Variants in CSMD3 observed in about 807,000 individuals in gnomAD.
CSMD3 encodes CUB and sushi domain-containing protein 3.
Under a neutral mutation model 435.2 loss-of-function variants are expected in CSMD3, and 177 were observed. The ratio of observed to expected loss-of-function variants is 0.41; its 90% CI spans 0.36 to 0.46. The LOEUF (loss-of-function observed/expected upper bound fraction) is 0.46, where lower values mean the gene tolerates loss of function less well. Ranked by LOEUF, CSMD3 falls within the 20% of genes least tolerant of loss-of-function variation. CSMD3 has a pLI of 0.34. For missense variants in CSMD3, 4,265 were observed against 4,504.6 expected (o/e 0.95, Z 1.52); for synonymous variants, 1,656 against 1,520.5 (o/e 1.09, Z -2.07).
intron 47 of CSMD3, among the ~76,000 whole-genome samples, chr8:112,316,355 A>G (rs2130847617): frequency 6.6e-6 from 1 of 151,862 alleles, no homozygotes; most frequent in East Asian, 1.9e-4. Flanking sequence ...TCTGACATTG[A>G]TTTTCAAAAA....
At chr8:112,470,281 T>C (rs535567389) in intron 32 of CSMD3, among the ~76,000 whole-genome samples, 1 of 152,312 alleles carries the variant, frequency 6.6e-6, no homozygotes, top group South Asian at 2.1e-4. Flanking sequence ...CAATAATGCA[T>C]GTCATTTAAT....
chr8:112,351,631 AT>A (rs1165328361), intron 39 of CSMD3, among the ~76,000 whole-genome samples: 1 of 151,922 alleles, frequency 6.6e-6, no homozygotes, highest in Non-Finnish European at 1.5e-5. Context: ...TAATTTTAAA[AT>A]TTTTTCACAA....
chr8:112,748,202 T>C (rs1164640819), intron 13 of CSMD3, among the ~76,000 whole-genome samples: 2 of 152,022 alleles, frequency 1.3e-5, no homozygotes, highest in Non-Finnish European at 1.5e-5. Flanking sequence ...AGAGAGAAGC[T>C]AAGTAGGAAA....
In CSMD3 at chr8:113,436,818, C is replaced by T. The variant is rs756154996; in HGVS notation, c.37G>A (p.Glu13Lys). 1.2e-6 allele frequency: 2 copies of T among 1,614,168 alleles called. No homozygotes were observed. Among genetic ancestry groups the T allele is most frequent in the Middle Eastern group, 1.7e-4 (1 of 6,060 alleles). Reference protein sequence around the residue: ...GIRKGESRAKESKPWEPGKRR... With the variant: ...GIRKGESRAKKSKPWEPGKRR... The stretch of plus-strand genomic sequence containing the variant: ...TTGCCAGGCTCCCAGGGTTTGGATT[C>T]CTTTGCTCGGCTTTCCCCTTTGCGG... The change falls in exon 1 of 71, where the codon GAA becomes AAA. Residue 13 changes from glutamate to lysine, a missense_variant. By Grantham distance (56) the Glu-to-Lys change is moderately conservative (BLOSUM62 1). Transcript: ENST00000297405.
intron 2 of CSMD3, among the ~76,000 whole-genome samples, chr8:113,304,698 G>A (rs1191025740): frequency 7.4e-6 from 1 of 134,364 alleles, no homozygotes; most frequent in Non-Finnish European, 1.6e-5. Context: ...CTCACTCATA[G>A]GTGGGAATTG....
At chr8:112,531,685 A>T (rs1057216069) in intron 27 of CSMD3, among the ~76,000 whole-genome samples, 1 of 152,130 alleles carries the variant, frequency 6.6e-6, no homozygotes, top group Non-Finnish European at 1.5e-5. Context: ...TGCAGTGACT[A>T]CAAGCTTGGG....
At chr8:112,842,549 GA>G (rs11286563) in intron 11 of CSMD3, among the ~76,000 whole-genome samples, 75,569 of 151,280 alleles carry the variant, frequency 0.5, 19,345 homozygotes, top group East Asian at 0.76. Context: ...CTAATATTTT[GA>G]ACATATATAT....
chr8:112,853,786 G>A (rs1408197105), intron 11 of CSMD3, among the ~76,000 whole-genome samples: 3 of 152,150 alleles, frequency 2.0e-5, no homozygotes, highest in Non-Finnish European at 4.4e-5. Context: ...GCAATACTGT[G>A]CTAATTATTT....
chr8:112,935,652 T>C (rs553690691), intron 9 of CSMD3, among the ~76,000 whole-genome samples: 25 of 152,048 alleles, frequency 1.6e-4, no homozygotes, highest in African/African-American at 5.8e-4. Flanking sequence ...GATGCTATAA[T>C]GACTGGATTA....
chr8:113,109,123 C>T (rs79255070), intron 4 of CSMD3, among the ~76,000 whole-genome samples: 1 of 152,296 alleles, frequency 6.6e-6, no homozygotes, highest in East Asian at 1.9e-4. Flanking sequence ...CAGATAAAGA[C>T]TCACACATAT....
At chr8:113,427,592 C>A (rs571307807) in intron 1 of CSMD3, among the ~76,000 whole-genome samples, 26 of 151,544 alleles carry the variant, frequency 1.7e-4, no homozygotes, top group Non-Finnish European at 2.7e-4. Flanking sequence ...CATTTCATTT[C>A]TCTGGCCTGT....
At chr8:112,663,490 G>A (rs2075438994) in intron 17 of CSMD3, among the ~76,000 whole-genome samples, 1 of 114,942 alleles carries the variant, frequency 8.7e-6, no homozygotes, top group South Asian at 3.6e-4. Context: ...CTGTTGTGGG[G>A]TGGGGGGAGG....
chr8:112,283,237 A>G (rs1382805595), intron 58 of CSMD3, among the ~76,000 whole-genome samples: 1 of 151,988 alleles, frequency 6.6e-6, no homozygotes, highest in Non-Finnish European at 1.5e-5. Flanking sequence ...AAGCTGAAAC[A>G]TAATACATGT....
intron 3 of CSMD3, among the ~76,000 whole-genome samples, chr8:113,201,271 T>C (rs1028876395): frequency 5.3e-5 from 8 of 151,990 alleles, no homozygotes; most frequent in African/African-American, 1.9e-4. Context: ...ATGAAATTCA[T>C]TGAGAGTGTG....
intron 3 of CSMD3, among the ~76,000 whole-genome samples, chr8:113,273,291 T>A (rs1283744094): frequency 6.6e-6 from 1 of 151,132 alleles, no homozygotes; most frequent in Non-Finnish European, 1.5e-5. Flanking sequence ...TTGAATACAT[T>A]AAAAAAAAAC....
rs1178018055 is a variant in CSMD3 at position 112,224,682 on chromosome 8, G to T, written c.*89C>A. On this transcript the variant is annotated 3_prime_UTR_variant, in exon 71 of 71. Coordinates refer to ENST00000297405, the MANE Select transcript of CSMD3 (RefSeq NM_198123.2). ...AAGGTGACCCAGCAAGTCCTGAAAA[G>T]TGTGCTTTAATTTGTTTAGCAGTGA... 7.4e-6 allele frequency: 10 copies of T among 1,343,286 alleles called. No homozygotes were observed. The highest frequency in any genetic ancestry group is 2.3e-5 in the South Asian group (2 of 85,430). The allele number at this position is 1,343,286 out of a possible 1,614,324, so 83.2% of individuals were successfully genotyped here.
At chr8:112,594,056 A>T (rs1367031184) in intron 22 of CSMD3, among the ~76,000 whole-genome samples, 1 of 152,188 alleles carries the variant, frequency 6.6e-6, no homozygotes, top group Non-Finnish European at 1.5e-5. Context: ...TACAGCTCCC[A>T]GTGTGAGCGA....
intron 3 of CSMD3, among the ~76,000 whole-genome samples, chr8:113,245,991 C>G (rs1344115941): frequency 6.6e-6 from 1 of 151,824 alleles, no homozygotes; most frequent in Non-Finnish European, 1.5e-5. Flanking sequence ...ATTGAAGATC[C>G]CTTATGTGTG....
chr8:113,309,802 A>G (rs1012914394), intron 2 of CSMD3: 4 of 152,202 alleles, frequency 2.6e-5, no homozygotes, highest in East Asian at 1.9e-4. Flanking sequence ...CCTGGCCCTC[A>G]GTCTTCTCCA....
Sources: gnomAD v4.1 joint callset for allele counts (sites outside exome capture counted in the v4.1 genomes callset) on GRCh38, gnomAD v4.1.1 for gene constraint, MANE v1.5 for transcripts, NCBI Gene and HGNC (gene_info 2026-07-23, HGNC 2026-07-21) for gene names.